The following CACNA1C variants were observed in gnomAD, a reference collection of about 807,000 sequenced individuals.
CACNA1C encodes voltage-dependent L-type calcium channel subunit alpha-1C.
CACNA1C carries 30 observed loss-of-function variants against 229.0 expected under a neutral mutation model. That is an observed-to-expected ratio of 0.13 (90% CI 0.10 to 0.18). CACNA1C has a LOEUF of 0.18. CACNA1C is among the 10% of genes least tolerant of loss of function. The pLI, the probability that CACNA1C is intolerant of heterozygous loss-of-function variation, is 1.00. For missense variants in CACNA1C, 1,658 were observed against 2,845.0 expected (o/e 0.58, Z 9.49); for synonymous variants, 1,114 against 1,132.5 (o/e 0.98, Z 0.33).
rs1603022300 is a variant in CACNA1C at position 2,634,366 on chromosome 12, A to G, written c.3898A>G (p.Ile1300Val). 1 of 1,574,248 alleles carries G rather than the reference A, an allele frequency of 6.4e-7. No homozygotes were observed. Among genetic ancestry groups the G allele is most frequent in the Non-Finnish European group, 8.7e-7 (1 of 1,155,292 alleles). Residue 1300 changes from isoleucine to valine, a missense_variant, in exon 30 of 47, where the codon ATC (isoleucine) becomes GTC (valine). Transcript: ENST00000399655. ...IVVGSIVDIA[I>V]TEVNPAEHTQ... ...TGTGGGTAGCATTGTTGATATAGCAATCACCGAGGTAAACGTAAGTACATG... is the reference window on the plus strand; with the variant it reads ...TGTGGGTAGCATTGTTGATATAGCAGTCACCGAGGTAAACGTAAGTACATG...
At chr12:2,068,950 G>A (rs932244177) in intron 1 of CACNA1C, among the ~76,000 whole-genome samples, 2 of 152,248 alleles carry the variant, frequency 1.3e-5, no homozygotes, top group East Asian at 1.9e-4. Flanking sequence ...TGAACTCAGA[G>A]TCCAGATGGA....
intron 3 of CACNA1C, among the ~76,000 whole-genome samples, chr12:2,412,729 T>G (rs1386450249): frequency 6.6e-6 from 1 of 152,206 alleles, no homozygotes; most frequent in South Asian, 2.1e-4. Context: ...GCCTATACAA[T>G]GGATTTGCTG....
chr12:2,174,052 T>C (rs1272129677), intron 3 of CACNA1C, among the ~76,000 whole-genome samples: 1 of 152,138 alleles, frequency 6.6e-6, no homozygotes. Flanking sequence ...ACAGATTTAT[T>C]ACATAATATG....
chr12:2,342,368 T>C (rs1279696275), intron 3 of CACNA1C, among the ~76,000 whole-genome samples: 3 of 152,250 alleles, frequency 2.0e-5, no homozygotes, highest in Non-Finnish European at 4.4e-5. Context: ...GAGTCCTTTT[T>C]GTGTATCCAG....
Position 2,630,728 on chromosome 12 carries a change from G to A in CACNA1C, c.3829-3569G>A, listed in dbSNP as rs2090004240. On this transcript the variant is annotated intron_variant, in intron 29 of 46. Coordinates refer to ENST00000399655, the MANE Select transcript of CACNA1C (RefSeq NM_000719.7). This position sits in a 1 kb window ranked among gnomAD's most constrained non-coding sequence, Gnocchi z 5.4. ...ATTCCAGCTCTGTGGAAATCCCCCAGGGCTGGGGCACAGGAGCTCTCAGCG... is the reference window on the plus strand; with the variant it reads ...ATTCCAGCTCTGTGGAAATCCCCCAAGGCTGGGGCACAGGAGCTCTCAGCG... Among the ~76,000 whole-genome samples the A allele has an allele frequency of 6.6e-6, 1 of 152,176 alleles. No homozygotes were observed. The highest frequency in any genetic ancestry group is 1.5e-5 in the Non-Finnish European group (1 of 68,028).
chr12:2,669,707 G>C (rs536192711), intron 38 of CACNA1C, among the ~76,000 whole-genome samples: 7 of 152,202 alleles, frequency 4.6e-5, no homozygotes, highest in African/African-American at 7.2e-5. Flanking sequence ...TGGTGGCCGT[G>C]GTGGAGGTCA....
intron 3 of CACNA1C, among the ~76,000 whole-genome samples, chr12:2,255,213 G>A (rs1600875499): frequency 1.3e-5 from 2 of 151,710 alleles, no homozygotes; most frequent in South Asian, 2.1e-4. Context: ...GTTTTACTGA[G>A]GTACTGTGAG....
intron 3 of CACNA1C, among the ~76,000 whole-genome samples, chr12:2,135,752 G>A (rs1362997470): frequency 1.4e-5 from 2 of 146,558 alleles, no homozygotes; most frequent in Non-Finnish European, 3.0e-5. Flanking sequence ...AGTTACTGCT[G>A]TCTTTTTGTT....
intron 1 of CACNA1C, among the ~76,000 whole-genome samples, chr12:2,103,800 G>A (rs946772640): frequency 1.6e-4 from 25 of 152,222 alleles, no homozygotes; most frequent in Non-Finnish European, 3.1e-4. Context: ...CATATGGCTA[G>A]CCAATATTTC....
intron 9 of CACNA1C, among the ~76,000 whole-genome samples, chr12:2,540,673 G>A (rs1237650537): frequency 6.6e-6 from 1 of 152,186 alleles, no homozygotes; most frequent in East Asian, 1.9e-4. Flanking sequence ...AATACGTGCA[G>A]GAGGTGGACA....
chr12:2,582,240 G>A (rs2060788367), intron 14 of CACNA1C, among the ~76,000 whole-genome samples: 1 of 152,132 alleles, frequency 6.6e-6, no homozygotes, highest in Non-Finnish European at 1.5e-5. Flanking sequence ...TACTGGGGGA[G>A]GGGAGGGTGA....
rs549901722 is a variant in CACNA1C, at chr12:2,137,823, G to A, written c.477+17393G>A. Among the ~76,000 whole-genome samples the A allele has an allele frequency of 1.2e-3, 176 of 151,548 alleles. 1 individual carries two copies. The highest frequency in any genetic ancestry group is 4.0e-3 in the African/African-American group (165 of 41,500). On this transcript the variant is annotated intron_variant, in intron 3 of 46. Coordinates refer to ENST00000399655, the MANE Select transcript of CACNA1C (RefSeq NM_000719.7). ...TTGACCTTTCCAAGATGGGTGGTGA[G>A]TGGTGTGGCTGCAACCTGCCTGCTG...
chr12:2,530,093 G>T lies in CACNA1C; in HGVS notation c.1390+17109G>T, dbSNP rs375962848. Reference sequence around the variant, plus strand: ...GCTGAGACTTAATGAGAACTCAGCTGTATCTCCTGGATGTAGTGGAAAGCA... The same window carrying T: ...GCTGAGACTTAATGAGAACTCAGCTTTATCTCCTGGATGTAGTGGAAAGCA... On this transcript the variant is annotated intron_variant, in intron 9 of 46. Coordinates refer to ENST00000399655, the MANE Select transcript of CACNA1C (RefSeq NM_000719.7). Among the ~76,000 whole-genome samples, 8 of 152,368 alleles carry T rather than the reference G, an allele frequency of 5.3e-5. No individual in the cohort carries two copies. The South Asian group carries it at 1.7e-3, about 32-fold the overall frequency.
At chr12:2,565,431 CAGT>C (rs1410811364) in intron 11 of CACNA1C, among the ~76,000 whole-genome samples, 21 of 144,910 alleles carry the variant, frequency 1.4e-4, no homozygotes, top group Non-Finnish European at 2.7e-4. Flanking sequence ...TGCGCCACTG[CAGT>C]CCGCAGTCCG....
intron 1 of CACNA1C, among the ~76,000 whole-genome samples, chr12:2,074,464 G>A (rs1304200967): frequency 2.0e-5 from 3 of 152,150 alleles, no homozygotes; most frequent in South Asian, 2.1e-4. Flanking sequence ...CTGACTTGCC[G>A]AAAGTTGAAT....
chr12:2,068,500 G>T (rs898716802), intron 1 of CACNA1C, among the ~76,000 whole-genome samples: 3 of 152,340 alleles, frequency 2.0e-5, no homozygotes, highest in African/African-American at 7.2e-5. Context: ...ATTCTTATAT[G>T]TTGGCATTGT....
chr12:2,451,372 T>G (rs1045791356), intron 4 of CACNA1C, among the ~76,000 whole-genome samples: 3 of 152,218 alleles, frequency 2.0e-5, no homozygotes, highest in African/African-American at 7.2e-5. Context: ...GAAAAGAGCC[T>G]TGGGAATGAT....
intron 3 of CACNA1C, among the ~76,000 whole-genome samples, chr12:2,166,180 C>T (rs2096217260): frequency 6.6e-6 from 1 of 152,204 alleles, no homozygotes; most frequent in African/African-American, 2.4e-5. Flanking sequence ...ACATTCTGTG[C>T]TGCTGGGATG....
At chr12:2,433,616 C>T (rs529808089) in intron 3 of CACNA1C, among the ~76,000 whole-genome samples, 1 of 152,326 alleles carries the variant, frequency 6.6e-6, no homozygotes, top group African/African-American at 2.4e-5. Context: ...TCAAAAGGAC[C>T]TTGGAGGAGA....
Sources: allele counts gnomAD v4.1 joint callset (sites outside exome capture counted in the v4.1 genomes callset), GRCh38; gene constraint gnomAD v4.1.1; non-coding constraint Gnocchi (gnomAD v3.1); transcripts MANE v1.5; gene names NCBI Gene and HGNC (gene_info 2026-07-23, HGNC 2026-07-21).